The following PKIG variants were observed in gnomAD, a reference collection of about 807,000 sequenced individuals.
The protein encoded by PKIG is cAMP-dependent protein kinase inhibitor gamma.
Under a neutral mutation model 6.8 loss-of-function variants are expected in PKIG, and 1 was observed. The observed-to-expected ratio is 0.15, with a 90% confidence interval of 0.05 to 0.69. The LOEUF (loss-of-function observed/expected upper bound fraction) is 0.69, where lower values mean the gene tolerates loss of function less well. Among genes scored for constraint, PKIG ranks in the 30% least tolerant of loss-of-function variants. The probability of loss-of-function intolerance (pLI) is 0.82; values close to 1 mark genes in which losing one functional copy is unlikely to be tolerated. For missense variants in PKIG, 77 were observed against 104.0 expected (o/e 0.74, Z 1.13); for synonymous variants, 39 against 43.0 (o/e 0.91, Z 0.36).
intron 1 of PKIG, among the ~76,000 whole-genome samples, chr20:44,540,962 T>C (rs1324312912): frequency 1.3e-5 from 2 of 152,184 alleles, no homozygotes; most frequent in Non-Finnish European, 2.9e-5. Flanking sequence ...TAAAGGAATG[T>C]AGGGCCTCGT....
intron 2 of PKIG, among the ~76,000 whole-genome samples, chr20:44,592,804 A>G (rs971045030): frequency 7.9e-5 from 12 of 152,226 alleles, no homozygotes; most frequent in African/African-American, 2.9e-4. Context: ...GAAAGAGTTA[A>G]GGCTGTGTCC....
intron 1 of PKIG, among the ~76,000 whole-genome samples, chr20:44,564,891 C>G (rs2064797503): frequency 1.3e-5 from 2 of 152,308 alleles, no homozygotes; most frequent in South Asian, 4.1e-4. Flanking sequence ...ATCATTGTTC[C>G]AGACATGTAT....
intron 2 of PKIG, among the ~76,000 whole-genome samples, chr20:44,599,931 G>A (rs372422105): frequency 3.0e-4 from 46 of 152,074 alleles, no homozygotes; most frequent in Middle Eastern, 3.2e-3. Context: ...TTACCCTCCG[G>A]GCAGCTCTGC....
intron 1 of PKIG, among the ~76,000 whole-genome samples, chr20:44,567,433 G>A (rs907422632): frequency 4.6e-5 from 7 of 152,116 alleles, no homozygotes; most frequent in Non-Finnish European, 5.9e-5. Flanking sequence ...TTTTCATCTC[G>A]CTGTTCTAAA....
intron 1 of PKIG, among the ~76,000 whole-genome samples, chr20:44,540,668 T>A (rs2064553404): frequency 6.6e-6 from 1 of 152,010 alleles, no homozygotes; most frequent in Admixed American, 6.6e-5. Flanking sequence ...AACCTCTACC[T>A]CCTGGGTTCA....
chr20:44,614,751 C>T lies in PKIG; in HGVS notation c.151+44C>T. ...TTGGCACTACTGCATGCCAGAGGCC[C>T]TCTGCCGGGCCCCGGGCTAGCCTCC... On this transcript the variant is annotated intron_variant, in intron 3 of 3. Coordinates refer to ENST00000372886, the MANE Select transcript of PKIG (RefSeq NM_001281445.2). The surrounding 1 kb of genome is among the most constrained non-coding windows in gnomAD (Gnocchi z 4.6). 1 of 1,605,200 alleles carries T rather than the reference C, an allele frequency of 6.2e-7. No individual in the cohort carries two copies. The highest frequency in any genetic ancestry group is 8.5e-7 in the Non-Finnish European group (1 of 1,175,216).
chr20:44,585,690 T>C (rs781733327), intron 1 of PKIG, among the ~76,000 whole-genome samples: 2 of 152,246 alleles, frequency 1.3e-5, no homozygotes, highest in Non-Finnish European at 2.9e-5. Context: ...AAGTGAACTC[T>C]AGTCAGAAGT....
At chr20:44,609,984 A>G (rs2065199538) in intron 2 of PKIG, among the ~76,000 whole-genome samples, 1 of 152,194 alleles carries the variant, frequency 6.6e-6, no homozygotes, top group African/African-American at 2.4e-5. Flanking sequence ...TGTTATTATC[A>G]TAAGCCATTT....
chr20:44,535,622 CAA>C (rs1478937836), intron 1 of PKIG, among the ~76,000 whole-genome samples: 2 of 151,966 alleles, frequency 1.3e-5, no homozygotes, highest in Non-Finnish European at 1.5e-5. Flanking sequence ...GCCTGGGTGA[CAA>C]GAGCAAAACT....
intron 1 of PKIG, among the ~76,000 whole-genome samples, chr20:44,541,362 C>T (rs906804727): frequency 6.6e-6 from 1 of 152,064 alleles, no homozygotes; most frequent in Non-Finnish European, 1.5e-5. Flanking sequence ...AACCATAGTT[C>T]ATTGCCACTT....
At position 44,543,260 on chromosome 20, in the gene PKIG, C is replaced by A. The variant is rs1335394541; in HGVS notation, c.-241+11282C>A. The stretch of plus-strand genomic sequence containing the variant: ...CAGATAGAACTTAACATGTAAATGT[C>A]AGCTGTTATGTTTATTACTGTAAAG... On this transcript the variant is annotated intron_variant, in intron 1 of 4. Transcript: ENST00000372887. 5.3e-5 allele frequency among the ~76,000 whole-genome samples: 8 copies of A among 151,942 alleles called. No individual in the cohort carries two copies. The South Asian group carries it at 1.5e-3, about 28-fold the overall frequency.
upstream of PKIG, among the ~76,000 whole-genome samples, chr20:44,579,223 A>T (rs1229921768): frequency 6.6e-6 from 1 of 152,228 alleles, no homozygotes; most frequent in Non-Finnish European, 1.5e-5. Context: ...CATCAGAGAA[A>T]AGGGTATGTT....
intron 2 of PKIG, among the ~76,000 whole-genome samples, chr20:44,607,037 G>A (rs1020019944): frequency 2.0e-5 from 3 of 152,162 alleles, no homozygotes; most frequent in Admixed American, 6.5e-5. Context: ...AGCACAAAAC[G>A]GACTGAGAGA....
chr20:44,602,025 G>T (rs1350549200), intron 2 of PKIG, among the ~76,000 whole-genome samples: 1 of 152,136 alleles, frequency 6.6e-6, no homozygotes, highest in East Asian at 1.9e-4. Flanking sequence ...CTGACCCCAG[G>T]GCCCCAAAAG....
At chr20:44,578,915 T>C (rs186666129), upstream of PKIG, among the ~76,000 whole-genome samples, 23 of 152,240 alleles carry the variant, frequency 1.5e-4, no homozygotes, top group African/African-American at 5.5e-4. Flanking sequence ...CTCACACCTG[T>C]AATCCCAACA....
chr20:44,541,731 T>G (rs1364346051), intron 1 of PKIG, among the ~76,000 whole-genome samples: 1 of 151,152 alleles, frequency 6.6e-6, no homozygotes, highest in Non-Finnish European at 1.5e-5. Context: ...TTTGCTCTTG[T>G]TACTCAGGCT....
chr20:44,558,383 ATTGG>A lies in PKIG; in HGVS notation c.-240-24198_-240-24195del, dbSNP rs201048344. On this transcript the variant is annotated intron_variant, in intron 1 of 4. Transcript: ENST00000372887. Reference sequence around the variant, plus strand: ...GATATGTGGACTATATGATTGATCGATTGGTTGATTTTGGTAAAGTTCAGATATC... The same window carrying A: ...GATATGTGGACTATATGATTGATCGATTGATTTTGGTAAAGTTCAGATATC... Among the ~76,000 whole-genome samples the A allele has an allele frequency of 6.0e-3, 910 of 152,198 alleles. 8 individuals carry two copies. Among genetic ancestry groups the A allele is most frequent in the African/African-American group, 0.021 (872 of 41,536 alleles).
At chr20:44,597,794 G>A (rs1473899158) in intron 2 of PKIG, among the ~76,000 whole-genome samples, 1 of 152,208 alleles carries the variant, frequency 6.6e-6, no homozygotes. Flanking sequence ...CCATCCTACT[G>A]TGAAAGGAGG....
intron 2 of PKIG, among the ~76,000 whole-genome samples, chr20:44,603,195 A>G (rs1179916234): frequency 1.3e-5 from 2 of 152,180 alleles, no homozygotes; most frequent in East Asian, 3.8e-4. Flanking sequence ...AGGAAGTTTT[A>G]ATCTTCTGTA....
Sources: allele counts gnomAD v4.1 joint callset (sites outside exome capture counted in the v4.1 genomes callset), GRCh38; gene constraint gnomAD v4.1.1; non-coding constraint Gnocchi (gnomAD v3.1); transcripts MANE v1.5; gene names NCBI Gene and HGNC (gene_info 2026-07-23, HGNC 2026-07-21).